The following SLC44A1 variants were observed in gnomAD, a reference collection of about 807,000 sequenced individuals.
The protein encoded by SLC44A1 is choline transporter-like protein 1.
SLC44A1 carries 26 observed loss-of-function variants against 79.3 expected under a neutral mutation model. The observed-to-expected ratio is 0.33, with a 90% CI of 0.24 to 0.46. The LOEUF is 0.46. SLC44A1 is among the 20% of genes least tolerant of loss of function. The probability of loss-of-function intolerance (pLI) is 1.00; values close to 1 mark genes in which losing one functional copy is unlikely to be tolerated. For synonymous variants in SLC44A1, 263 were observed against 286.2 expected, an observed-to-expected ratio of 0.92 and a Z score of 0.82; for missense variants, 688 against 798.1, an observed-to-expected ratio of 0.86 and a Z score of 1.66.
At chr9:105,255,604 C>A (rs900367314) in intron 1 of SLC44A1, among the ~76,000 whole-genome samples, 1 of 152,200 alleles carries the variant, frequency 6.6e-6, no homozygotes, top group Non-Finnish European at 1.5e-5. Context: ...TCATTGCCAA[C>A]TAAATGGTCC....
chr9:105,305,073 C>A (rs997085424), intron 2 of SLC44A1, among the ~76,000 whole-genome samples: 4 of 138,234 alleles, frequency 2.9e-5, no homozygotes, highest in African/African-American at 7.9e-5. Flanking sequence ...TGGGTTCAAG[C>A]AATCCTCCTG....
intron 15 of SLC44A1, among the ~76,000 whole-genome samples, chr9:105,410,211 T>G (rs71494532): frequency 0.031 from 4,650 of 152,052 alleles, 87 homozygotes; most frequent in African/African-American, 0.057. Context: ...ACACAAGCAA[T>G]GAAAGAAAAA....
At chr9:105,289,992 CT>C in intron 1 of SLC44A1, among the ~76,000 whole-genome samples, 1 of 151,916 alleles carries the variant, frequency 6.6e-6, no homozygotes, top group South Asian at 2.1e-4. Flanking sequence ...TTGTTTGTAT[CT>C]TTAGTAGAGA....
At chr9:105,354,682 G>A (rs1320800337) in intron 5 of SLC44A1, among the ~76,000 whole-genome samples, 1 of 152,118 alleles carries the variant, frequency 6.6e-6, no homozygotes. Context: ...CAAGACTAAG[G>A]CAAGGCTAGA....
intron 1 of SLC44A1, among the ~76,000 whole-genome samples, chr9:105,258,605 A>G (rs1829767121): frequency 1.3e-5 from 2 of 152,196 alleles, no homozygotes; most frequent in Non-Finnish European, 2.9e-5. Context: ...GGACTGCTAT[A>G]TTAAATGGTA....
At chr9:105,334,099 G>C (rs758042023) in intron 3 of SLC44A1, among the ~76,000 whole-genome samples, 7 of 152,112 alleles carry the variant, frequency 4.6e-5, no homozygotes, top group Non-Finnish European at 7.4e-5. Flanking sequence ...TGTATGCCCT[G>C]CTTCCTTGTT....
intron 1 of SLC44A1, among the ~76,000 whole-genome samples, chr9:105,274,852 G>A (rs556170267): frequency 6.6e-6 from 1 of 152,262 alleles, no homozygotes; most frequent in Non-Finnish European, 1.5e-5. Context: ...TCATGTAGTA[G>A]CTTCTTTTTA....
chr9:105,378,164 G>C (rs958709752), intron 13 of SLC44A1, among the ~76,000 whole-genome samples: 1 of 152,206 alleles, frequency 6.6e-6, no homozygotes, highest in Non-Finnish European at 1.5e-5. Flanking sequence ...CATGAGAATT[G>C]GTTGAATCTG....
intron 1 of SLC44A1, among the ~76,000 whole-genome samples, chr9:105,276,133 C>T (rs184309415): frequency 2.4e-4 from 36 of 152,180 alleles, no homozygotes; most frequent in African/African-American, 7.5e-4. Flanking sequence ...GTCACCAGGG[C>T]GTCTGACAAG....
At chr9:105,344,554 A>G (rs1827191001) in intron 4 of SLC44A1, among the ~76,000 whole-genome samples, 1 of 152,214 alleles carries the variant, frequency 6.6e-6, no homozygotes, top group Admixed American at 6.5e-5. Context: ...TTTAGGTAGT[A>G]TATTTGTAGC....
chr9:105,364,495 G>T, intron 9 of SLC44A1, 60 bp from the exon 10 acceptor site: 1 of 1,478,428 alleles, frequency 6.8e-7, no homozygotes, highest in Non-Finnish European at 9.2e-7. Flanking sequence ...CTACTTAACT[G>T]CCGTATTTCT....
At chr9:105,245,015 G>T (rs1406499951) in intron 1 of SLC44A1, 111 bp downstream of exon 1, 3 of 342,136 alleles carry the variant, frequency 8.8e-6, no homozygotes, top group African/African-American at 2.2e-5. Context: ...TCCCCTGAGC[G>T]CACCGTGCAG....
At chr9:105,309,889 G>T in intron 3 of SLC44A1, 23 bp downstream of exon 3, 2 of 1,606,314 alleles carry the variant, frequency 1.2e-6, no homozygotes, top group South Asian at 2.2e-5. Context: ...GCTGAATGAT[G>T]AACACATGGA....
intron 15 of SLC44A1, among the ~76,000 whole-genome samples, chr9:105,436,167 C>T (rs1412930649): frequency 6.6e-6 from 1 of 152,158 alleles, no homozygotes; most frequent in Non-Finnish European, 1.5e-5. Context: ...CACTGCACCC[C>T]ATCCTGGGTG....
rs1588866579 is a variant in SLC44A1, at chr9:105,395,432, C to T, written c.*6376C>T. On this transcript the variant is annotated 3_prime_UTR_variant, in exon 16 of 16. Transcript: ENST00000374720. ...CGGGGTTTCACCACGTTGGCCAGGCCAATCTCGAACTCCTGACCTCAGGTG... is the reference window on the plus strand; with the variant it reads ...CGGGGTTTCACCACGTTGGCCAGGCTAATCTCGAACTCCTGACCTCAGGTG... 1 of 550,620 alleles carries T rather than the reference C, an allele frequency of 1.8e-6. No individual in the cohort carries two copies. Among genetic ancestry groups the T allele is most frequent in the Non-Finnish European group, 2.3e-6 (1 of 432,714 alleles). 34.1% of individuals were successfully genotyped at this position (550,620 alleles called of 1,614,324 possible).
chr9:105,285,328 A>G (rs1158892925), intron 1 of SLC44A1, among the ~76,000 whole-genome samples: 1 of 152,232 alleles, frequency 6.6e-6, no homozygotes, highest in African/African-American at 2.4e-5. Context: ...TGTTTTCTTC[A>G]AATATCAAGA....
intron 4 of SLC44A1, among the ~76,000 whole-genome samples, chr9:105,340,645 A>G (rs977683245): frequency 2.6e-5 from 4 of 152,256 alleles, no homozygotes; most frequent in Non-Finnish European, 5.9e-5. Context: ...GCAAGGCAAT[A>G]TAACATGTTT....
chr9:105,372,372 T>C lies in SLC44A1; in HGVS notation c.1495-2226T>C, dbSNP rs111329417. The stretch of plus-strand genomic sequence containing the variant: ...GGCACGATCTCAGCTCACTGCAACC[T>C]CCACCTCCCTGGTTCACGCAATTCT... On this transcript the variant is annotated intron_variant, in intron 12 of 15. Coordinates refer to ENST00000374720, the MANE Select transcript of SLC44A1 (RefSeq NM_080546.5). Among the ~76,000 whole-genome samples, 192 of 152,134 alleles carry C rather than the reference T, an allele frequency of 1.3e-3. 1 individual carries two copies. Among genetic ancestry groups the C allele is most frequent in the Middle Eastern group, 0.01 (3 of 292 alleles).
chr9:105,423,723 A>G lies in SLC44A1; in HGVS notation c.1951-14558A>G, dbSNP rs143155426. Among the ~76,000 whole-genome samples, 317 of 152,352 alleles carry G rather than the reference A, an allele frequency of 2.1e-3. 2 individuals are homozygous for G. The highest frequency in any genetic ancestry group is 7.2e-3 in the African/African-American group (300 of 41,590). On this transcript the variant is annotated intron_variant, in intron 15 of 15. Transcript: ENST00000374724. ...TGTTAAACCAGTTGTTCAAGCTGGT[A>G]ACCTAGAATCATTAAATTTCCCTTT...
Sources: gnomAD v4.1 joint callset for allele counts (sites outside exome capture counted in the v4.1 genomes callset) on GRCh38, gnomAD v4.1.1 for gene constraint, MANE v1.5 for transcripts, NCBI Gene and HGNC (gene_info 2026-07-23, HGNC 2026-07-21) for gene names.